Variants in PCM1 observed in about 807,000 individuals in gnomAD.
PCM1 encodes pericentriolar material 1 protein.
Under a neutral mutation model 241.9 loss-of-function variants are expected in PCM1, and 157 were observed. The ratio of observed to expected loss-of-function variants is 0.65; its 90% CI spans 0.57 to 0.74. The LOEUF is 0.74. Ranked by LOEUF, PCM1 falls within the 30% of genes least tolerant of loss-of-function variation. The pLI, the probability that PCM1 is intolerant of heterozygous loss-of-function variation, is 0.00. For missense variants in PCM1, 3,478 were observed against 2,360.1 expected (o/e 1.47, Z -9.81); for synonymous variants, 1,085 against 784.9 (o/e 1.38, Z -6.39).
rs2068897867 is a variant in PCM1 at position 17,957,119 on chromosome 8, A to G, written c.1647-145A>G. The G allele has an allele frequency of 1.6e-5, 10 of 623,204 alleles. No individual in the cohort carries two copies. In the South Asian group the frequency reaches 2.5e-4, roughly 16 times the overall value. The allele number at this position is 623,204 out of a possible 1,614,324, so 38.6% of individuals were successfully genotyped here. A position where few individuals can be genotyped will look rare whatever the true frequency, so the allele number is the denominator to read the frequency against. ...ACATATGCAGAAGTTAATGAAAAGC[A>G]GGAGTCGATTATTCAATTTGAATTT... On this transcript the variant is annotated intron_variant, in intron 11 of 38. Transcript: ENST00000325083.
intron 36 of PCM1, among the ~76,000 whole-genome samples, chr8:18,019,671 G>A (rs1385681478): frequency 3.3e-5 from 5 of 152,146 alleles, no homozygotes; most frequent in South Asian, 4.1e-4. Flanking sequence ...ATCTGTTGCC[G>A]CCAGTGATCT....
intron 34 of PCM1, among the ~76,000 whole-genome samples, chr8:18,012,148 C>T (rs879796675): frequency 6.6e-6 from 1 of 152,108 alleles, no homozygotes; most frequent in African/African-American, 2.4e-5. Context: ...ACATGAGCCA[C>T]CACACCCATC....
At chr8:17,984,012 G>C (rs1165024846) in intron 24 of PCM1, among the ~76,000 whole-genome samples, 1 of 152,026 alleles carries the variant, frequency 6.6e-6, no homozygotes, top group Non-Finnish European at 1.5e-5. Context: ...TTAAGATTAG[G>C]GATTTTTCCA....
Position 17,966,482 on chromosome 8 carries a change from T to A in PCM1, c.3221+9T>A. 1 of 1,612,900 alleles carries A rather than the reference T, an allele frequency of 6.2e-7. No individual in the cohort carries two copies. The highest frequency in any genetic ancestry group is 8.5e-7 in the Non-Finnish European group (1 of 1,179,222). On this transcript the variant is annotated intron_variant, in intron 20 of 38. Coordinates refer to ENST00000325083, the MANE Select transcript of PCM1 (RefSeq NM_006197.4). ...CAGAATAATGTTCAGAGGTAATCTG[T>A]TTCTTAGAAGTATTGAGACTGTATA... is the stretch of plus-strand genomic sequence containing the variant.
chr8:18,000,173 A>G (rs1011754934), intron 29 of PCM1, among the ~76,000 whole-genome samples: 6 of 152,202 alleles, frequency 3.9e-5, no homozygotes, highest in South Asian at 2.1e-4. Context: ...TAGACAGTGC[A>G]CTGGCCTTAA....
rs753999384 is a variant in PCM1 at position 17,956,760 on chromosome 8, G to A, written c.1629G>A (p.Glu543=). ...SEYDSEHENS[E]PVTNIRNPQV... is the part of the protein sequence containing the mutation. ...ATGATTCTGAGCATGAAAATTCCGA[G>A]CCTGTTACTAACATTCGGTAAGAAC... is the stretch of plus-strand genomic sequence containing the variant. The change falls in exon 11 of 39, where the codon GAG becomes GAA. Residue 543 remains glutamate, a synonymous_variant. Transcript: ENST00000325083. 11 of 1,608,024 alleles carry A rather than the reference G, an allele frequency of 6.8e-6. No individual in the cohort carries two copies. Among genetic ancestry groups the A allele is most frequent in the Non-Finnish European group, 9.3e-6 (11 of 1,176,658 alleles).
In PCM1 at chr8:17,975,461, C is replaced by G. The variant is rs112249443; in HGVS notation, c.3943+2774C>G. 9.8e-3 allele frequency among the ~76,000 whole-genome samples: 1,492 copies of G among 152,204 alleles called. 21 individuals carry two copies. Among genetic ancestry groups the G allele is most frequent in the African/African-American group, 0.033 (1,353 of 41,506 alleles). ...TACAGGTGTGAGCCACAGCGCCCGA[C>G]CAATTTTTATTATATCTTAAAGGAA... is the stretch of plus-strand genomic sequence containing the variant. On this transcript the variant is annotated intron_variant, in intron 23 of 38. Transcript: ENST00000325083.
intron 2 of PCM1, among the ~76,000 whole-genome samples, chr8:17,928,262 A>AT (rs2057772945): frequency 6.6e-6 from 1 of 152,202 alleles, no homozygotes; most frequent in Non-Finnish European, 1.5e-5. Flanking sequence ...AGTATGTGTT[A>AT]TATGAGTGAA....
chr8:18,001,995 C>CTTTT lies in PCM1; in HGVS notation c.4828-4231_4828-4228dup, dbSNP rs1166401113. On this transcript the variant is annotated intron_variant, in intron 29 of 38. Transcript: ENST00000325083. The stretch of plus-strand genomic sequence containing the variant: ...CCTTTTGCCGCTGCTTCTAACCTTT[C>CTTTT]TTTTTTTTTTTTTTTTTTTTTTTTT... Among the ~76,000 whole-genome samples, 35 of 23,402 alleles carry CTTTT rather than the reference C, an allele frequency of 1.5e-3. 2 individuals carry two copies. Among genetic ancestry groups the CTTTT allele is most frequent in the Non-Finnish European group, 2.0e-3 (31 of 15,346 alleles). The allele number at this position is 23,402 out of a possible 152,430, so 15.4% of individuals were successfully genotyped here. A position where few individuals can be genotyped will look rare whatever the true frequency, so the allele number is the denominator to read the frequency against.
Position 18,006,322 on chromosome 8 carries a change from G to A in PCM1, c.4887G>A (p.Leu1629=). 6.2e-7 allele frequency: 1 copy of A among 1,613,074 alleles called. No homozygotes were observed. Among genetic ancestry groups the A allele is most frequent in the Non-Finnish European group, 8.5e-7 (1 of 1,179,312 alleles). The change falls in exon 30 of 39, where the codon TTG becomes TTA. Residue 1629 remains leucine (L), a synonymous_variant. Transcript: ENST00000325083. ...QLLTSVRRMV[L]TLTQQNDESK... ...TAACTTCAGTAAGGCGCATGGTTTT[G>A]ACCCTTACCCAGCAAAATGATGAGA...
chr8:17,971,750 G>GT (rs1403636176), intron 22 of PCM1, among the ~76,000 whole-genome samples: 6 of 151,938 alleles, frequency 3.9e-5, no homozygotes, highest in African/African-American at 1.2e-4. Context: ...TCTTTTTGTT[G>GT]TTTTTTCTAG....
In PCM1 at chr8:17,926,985, G is replaced by C. The variant is rs560496434; in HGVS notation, c.-23+2205G>C. On this transcript the variant is annotated intron_variant, in intron 2 of 38. Transcript: ENST00000325083. ...CAAGTGTTTAGTTCATGCAAGCAGG[G>C]AATGAAGTAGAAAGTGAAACCATGC... 9.2e-5 allele frequency: 14 copies of C among 152,230 alleles called. No homozygotes were observed. The East Asian group carries it at 2.7e-3, about 29-fold the overall frequency. 9.4% of individuals were successfully genotyped at this position (152,230 alleles called of 1,614,324 possible).
intron 8 of PCM1, among the ~76,000 whole-genome samples, chr8:17,951,419 A>G (rs1416919236): frequency 6.6e-6 from 1 of 152,226 alleles, no homozygotes; most frequent in Non-Finnish European, 1.5e-5. Flanking sequence ...CCTGGGGCCT[A>G]CTTTAGAGAA....
In PCM1 at chr8:17,938,969, A is replaced by G. The variant is rs1009311544; in HGVS notation, c.572A>G (p.Glu191Gly). 1 of 1,613,744 alleles carries G rather than the reference A, an allele frequency of 6.2e-7. No homozygotes were observed. The highest frequency in any genetic ancestry group is 8.5e-7 in the Non-Finnish European group (1 of 1,179,668). ...CTCTTGCAAAACTGTCAGGTGTCTGAAGAAGATGGGAGGGGAGAACCTGCA... is the reference window on the plus strand; with the variant it reads ...CTCTTGCAAAACTGTCAGGTGTCTGGAGAAGATGGGAGGGGAGAACCTGCA... ...NDLLQNCQVS[E>G]EDGRGEPAME... The change falls in exon 5 of 39, where the codon GAA (glutamate) becomes GGA (glycine). Residue 191 changes from glutamate to glycine, a missense_variant. By Grantham distance (98) the Glu-to-Gly change is moderately conservative (BLOSUM62 -2). Transcript: ENST00000325083.
intron 29 of PCM1, among the ~76,000 whole-genome samples, chr8:17,998,832 G>A (rs1163284667): frequency 6.6e-6 from 1 of 152,096 alleles, no homozygotes; most frequent in Non-Finnish European, 1.5e-5. Context: ...AATCTACCTG[G>A]TATTCTGTCC....
rs201845791 is a variant in PCM1, at chr8:17,985,534, G to A, written c.4196G>A (p.Arg1399His). 67 of 1,592,438 alleles carry A rather than the reference G, an allele frequency of 4.2e-5. 1 individual carries two copies. The highest frequency in any genetic ancestry group is 3.0e-4 in the South Asian group (26 of 88,002). Residue 1399 changes from arginine to histidine, a missense_variant, in exon 25 of 39, where the codon CGT (arginine) becomes CAT (histidine). By Grantham distance (29) the Arg-to-His change is conservative. Transcript: ENST00000325083. ...VATLISQNES[R>H]PHFLIELFHE... ...ACATTAATTTCTCAAAATGAATCTC[G>A]TCCACATTTTCTTATTGAACTCTTC...
intron 8 of PCM1, among the ~76,000 whole-genome samples, 160 bp downstream of exon 8, chr8:17,950,884 G>T (rs906955839): frequency 1.3e-5 from 2 of 152,236 alleles, no homozygotes; most frequent in African/African-American, 2.4e-5. Flanking sequence ...TACGATTCAT[G>T]GATTTGGGGT....
intron 2 of PCM1, chr8:17,927,238 C>T (rs1426186638): frequency 6.8e-6 from 1 of 147,142 alleles, no homozygotes; most frequent in Non-Finnish European, 1.5e-5. Flanking sequence ...GCAATTGATT[C>T]TCCTTACTCA....
chr8:18,012,612 G>A (rs759113989), intron 34 of PCM1, among the ~76,000 whole-genome samples: 7 of 152,108 alleles, frequency 4.6e-5, no homozygotes, highest in Non-Finnish European at 4.4e-5. Context: ...ATTTTACTGT[G>A]ATGTGCCTTG....
Sources: gnomAD v4.1 joint callset for allele counts (sites outside exome capture counted in the v4.1 genomes callset) on GRCh38, gnomAD v4.1.1 for gene constraint, MANE v1.5 for transcripts, NCBI Gene and HGNC (gene_info 2026-07-23, HGNC 2026-07-21) for gene names.